Variants in SLC44A1 observed in about 807,000 individuals in gnomAD.
The protein encoded by SLC44A1 is choline transporter-like protein 1.
Under a neutral mutation model 79.3 loss-of-function variants are expected in SLC44A1, and 26 were observed. The ratio of observed to expected loss-of-function variants is 0.33; its 90% CI spans 0.24 to 0.46. The LOEUF is 0.46. SLC44A1 is among the 20% of genes least tolerant of loss of function. The pLI is 1.00. For missense variants in SLC44A1, 688 were observed against 798.1 expected (o/e 0.86, Z 1.66); for synonymous variants, 263 against 286.2 (o/e 0.92, Z 0.82).
intron 15 of SLC44A1, among the ~76,000 whole-genome samples, chr9:105,430,434 A>G: frequency 6.6e-6 from 1 of 152,236 alleles, no homozygotes; most frequent in Non-Finnish European, 1.5e-5. Context: ...TTCAGTGCCT[A>G]TTCCCCTCAC....
intron 1 of SLC44A1, among the ~76,000 whole-genome samples, chr9:105,287,680 C>T (rs527480473): frequency 7.0e-6 from 1 of 141,856 alleles, no homozygotes; most frequent in Admixed American, 6.8e-5. Flanking sequence ...GTGGGGAGGT[C>T]AGTTCAGCTG....
At chr9:105,246,067 T>G (rs778185889) in intron 1 of SLC44A1, among the ~76,000 whole-genome samples, 5 of 152,272 alleles carry the variant, frequency 3.3e-5, no homozygotes, top group Non-Finnish European at 7.4e-5. Context: ...TTAACTGTGG[T>G]CTGTGATTTG....
chr9:105,357,273 G>A lies in SLC44A1; in HGVS notation c.670+892G>A, dbSNP rs1349856193. 3 of 152,224 alleles carry A rather than the reference G, an allele frequency of 2.0e-5. No individual in the cohort carries two copies. In the East Asian group the frequency reaches 5.8e-4, roughly 29 times the overall value. 9.4% of individuals were successfully genotyped at this position (152,224 alleles called of 1,614,324 possible). A position where few individuals can be genotyped will look rare whatever the true frequency, so the allele number is the denominator to read the frequency against. On this transcript the variant is annotated intron_variant, in intron 6 of 15. Coordinates refer to ENST00000374720, the MANE Select transcript of SLC44A1 (RefSeq NM_080546.5). Reference sequence around the variant, plus strand: ...TTGCAAAAGTGAGTACCTTAATAATGTTACCTAGACACAAATCCCAACCAT... The same window carrying A: ...TTGCAAAAGTGAGTACCTTAATAATATTACCTAGACACAAATCCCAACCAT...
chr9:105,325,572 T>C (rs1826548267), intron 3 of SLC44A1, among the ~76,000 whole-genome samples: 1 of 152,146 alleles, frequency 6.6e-6, no homozygotes, highest in Non-Finnish European at 1.5e-5. Context: ...AGTGTGCTGA[T>C]ATGCTAGCTC....
chr9:105,287,201 G>A (rs1400147673), intron 1 of SLC44A1, among the ~76,000 whole-genome samples: 1 of 151,856 alleles, frequency 6.6e-6, no homozygotes, highest in East Asian at 1.9e-4. Flanking sequence ...AAAACTTTAA[G>A]ACCTCACAGT....
At chr9:105,295,916 C>T (rs968345716) in intron 1 of SLC44A1, among the ~76,000 whole-genome samples, 1 of 152,066 alleles carries the variant, frequency 6.6e-6, no homozygotes, top group Non-Finnish European at 1.5e-5. Flanking sequence ...AGCTTTGAGT[C>T]TAATGTCTGA....
chr9:105,287,238 G>A (rs1478995003), intron 1 of SLC44A1, among the ~76,000 whole-genome samples: 1 of 152,120 alleles, frequency 6.6e-6, no homozygotes, highest in Non-Finnish European at 1.5e-5. Flanking sequence ...ACATCATGTT[G>A]TACACCTTAG....
intron 15 of SLC44A1, among the ~76,000 whole-genome samples, chr9:105,409,095 G>C (rs997640265): frequency 1.3e-5 from 2 of 152,166 alleles, no homozygotes; most frequent in African/African-American, 4.8e-5. Flanking sequence ...TTACTTACCA[G>C]TTTTTTAAAA....
intron 15 of SLC44A1, among the ~76,000 whole-genome samples, chr9:105,425,951 G>A (rs910277590): frequency 6.6e-6 from 1 of 152,200 alleles, no homozygotes; most frequent in Non-Finnish European, 1.5e-5. Context: ...GAGCTTCCAC[G>A]CCATGCAAGG....
At chr9:105,278,601 G>T (rs111877278) in intron 1 of SLC44A1, among the ~76,000 whole-genome samples, 1 of 151,836 alleles carries the variant, frequency 6.6e-6, no homozygotes, top group Non-Finnish European at 1.5e-5. Flanking sequence ...GGCTGGTCTC[G>T]AACTCCTGAC....
intron 15 of SLC44A1, among the ~76,000 whole-genome samples, chr9:105,421,624 G>A (rs974717568): frequency 7.3e-6 from 1 of 136,410 alleles, no homozygotes; most frequent in African/African-American, 2.8e-5. Flanking sequence ...TCCATCTGTC[G>A]CCCAGGTAGG....
chr9:105,337,999 T>A (rs1488472194), intron 4 of SLC44A1, among the ~76,000 whole-genome samples: 1 of 152,248 alleles, frequency 6.6e-6, no homozygotes, highest in Non-Finnish European at 1.5e-5. Flanking sequence ...ATAAACATTA[T>A]TTCAGCAAAC....
intron 15 of SLC44A1, among the ~76,000 whole-genome samples, chr9:105,419,709 G>C (rs186030325): frequency 1.3e-5 from 2 of 152,210 alleles, no homozygotes; most frequent in Non-Finnish European, 2.9e-5. Context: ...GAGGTCAGGA[G>C]TTCGAGACCA....
intron 3 of SLC44A1, among the ~76,000 whole-genome samples, chr9:105,313,025 C>T (rs1831223158): frequency 6.6e-6 from 1 of 152,160 alleles, no homozygotes; most frequent in Non-Finnish European, 1.5e-5. Context: ...TTCACCTATT[C>T]AGTCTCCTCC....
chr9:105,429,042 T>G (rs1045196061), intron 15 of SLC44A1, among the ~76,000 whole-genome samples: 5 of 152,202 alleles, frequency 3.3e-5, no homozygotes. Flanking sequence ...TATTCTTGAA[T>G]GGTGCAGGAA....
At chr9:105,257,498 G>A (rs1339687376) in intron 1 of SLC44A1, among the ~76,000 whole-genome samples, 1 of 152,192 alleles carries the variant, frequency 6.6e-6, no homozygotes, top group Admixed American at 6.5e-5. Flanking sequence ...CCGAAGTGCT[G>A]GGATTACAGG....
chr9:105,414,974 G>A (rs928504302), intron 15 of SLC44A1, among the ~76,000 whole-genome samples: 1 of 152,066 alleles, frequency 6.6e-6, no homozygotes, highest in African/African-American at 2.4e-5. Context: ...CAGAGTGGAA[G>A]CCAGGTTCTT....
At chr9:105,366,840 A>C (rs368378025) in intron 12 of SLC44A1, among the ~76,000 whole-genome samples, 2 of 152,240 alleles carry the variant, frequency 1.3e-5, no homozygotes, top group East Asian at 3.9e-4. Context: ...ATTTTTAAAA[A>C]TGTTGTTTGA....
rs1256616324 is a variant in SLC44A1 at position 105,395,897 on chromosome 9, A to C, written c.*6841A>C. 3.3e-6 allele frequency: 3 copies of C among 922,492 alleles called. No homozygotes were observed. 57.1% of individuals were successfully genotyped at this position (922,492 alleles called of 1,614,324 possible). A position where few individuals can be genotyped will look rare whatever the true frequency, so the allele number is the denominator to read the frequency against. ...TTACCATGTTGATAATCCGGTGGTG[A>C]CTTTTTTTTTTTTTTTGTAAATTGT... On this transcript the variant is annotated 3_prime_UTR_variant, in exon 16 of 16. Coordinates refer to ENST00000374720, the MANE Select transcript of SLC44A1 (RefSeq NM_080546.5).
Sources: gnomAD v4.1 joint callset for allele counts (sites outside exome capture counted in the v4.1 genomes callset) on GRCh38, gnomAD v4.1.1 for gene constraint, MANE v1.5 for transcripts, NCBI Gene and HGNC (gene_info 2026-07-23, HGNC 2026-07-21) for gene names.